Variants in IQSEC1 observed in about 807,000 individuals in gnomAD.
IQSEC1 encodes the protein IQ motif and SEC7 domain-containing protein 1.
Under a neutral mutation model 91.0 loss-of-function variants are expected in IQSEC1, and 31 were observed. The observed-to-expected ratio is 0.34, with a 90% CI of 0.26 to 0.46. The LOEUF (loss-of-function observed/expected upper bound fraction) is 0.46. Ranked by LOEUF, IQSEC1 falls within the 20% of genes least tolerant of loss-of-function variation. The probability of loss-of-function intolerance (pLI) is 1.00; values close to 1 mark genes in which losing one functional copy is unlikely to be tolerated. For synonymous variants in IQSEC1, 699 were observed against 662.6 expected, an observed-to-expected ratio of 1.05 and a Z score of -0.84; for missense variants, 1,388 against 1,575.6, an observed-to-expected ratio of 0.88 and a Z score of 2.02.
Position 13,191,477 on chromosome 3 carries a change from ATTTTTTTTTTTTT to A in IQSEC1, c.273-27357_273-27345del, listed in dbSNP as rs57912681. The stretch of plus-strand genomic sequence containing the variant: ...AGCTCCCAGTCCCCACACCCAGCTA[ATTTTTTTTTTTTT>A]TTTTTTTTTTTTTTTTTTGTATTTT... On this transcript the variant is annotated intron_variant, in intron 1 of 15. Coordinates refer to the IQSEC1 transcript ENST00000648114. Among the ~76,000 whole-genome samples the A allele has an allele frequency of 4.6e-4, 42 of 92,108 alleles. 1 individual carries two copies. The highest frequency in any genetic ancestry group is 2.2e-3 in the South Asian group (5 of 2,302). The allele number at this position is 92,108 out of a possible 152,430, so 60.4% of individuals were successfully genotyped here.
intron 1 of IQSEC1, among the ~76,000 whole-genome samples, chr3:12,990,476 T>C (rs360840): frequency 0.88 from 133,333 of 152,268 alleles, 58,453 homozygotes; most frequent in East Asian, 0.98. Flanking sequence ...TAAGCACAAC[T>C]GGATAAGGAA....
At chr3:13,044,970 T>G (rs1704440197) in intron 1 of IQSEC1, among the ~76,000 whole-genome samples, 1 of 152,244 alleles carries the variant, frequency 6.6e-6, no homozygotes, top group South Asian at 2.1e-4. Flanking sequence ...TCTTCTGGTC[T>G]CAGGTACCCT....
chr3:13,110,450 G>A (rs184107358), intron 2 of IQSEC1, among the ~76,000 whole-genome samples: 9 of 152,156 alleles, frequency 5.9e-5, no homozygotes, highest in South Asian at 2.1e-4. Flanking sequence ...TTAGCTAGGC[G>A]TGGTGGTGCA....
chr3:13,164,503 GTGAATGAA>G (rs746646832), intron 1 of IQSEC1, among the ~76,000 whole-genome samples: 34 of 152,258 alleles, frequency 2.2e-4, no homozygotes, highest in Non-Finnish European at 4.6e-4. Context: ...GAATGAATGA[GTGAATGAA>G]TGAATGAATG....
At chr3:12,961,977 C>T (rs1700265118) in intron 1 of IQSEC1, among the ~76,000 whole-genome samples, 1 of 152,216 alleles carries the variant, frequency 6.6e-6, no homozygotes, top group African/African-American at 2.4e-5. Flanking sequence ...GCCTCCCTAA[C>T]CATTGGGCTA....
chr3:12,939,696 G>A (rs912692090), intron 2 of IQSEC1, among the ~76,000 whole-genome samples: 9 of 152,128 alleles, frequency 5.9e-5, no homozygotes, highest in African/African-American at 1.2e-4. Flanking sequence ...TCACACACTC[G>A]GCAGCCTTTA....
At chr3:13,184,369 T>C (rs1006173432) in intron 1 of IQSEC1, among the ~76,000 whole-genome samples, 18 of 152,176 alleles carry the variant, frequency 1.2e-4, no homozygotes, top group Admixed American at 9.2e-4. Flanking sequence ...TACATGATCA[T>C]GTCAACAGAT....
At chr3:12,902,746 A>G (rs1360029521) in intron 13 of IQSEC1, 27 bp downstream of exon 13, 2 of 1,505,636 alleles carry the variant, frequency 1.3e-6, no homozygotes, top group Non-Finnish European at 1.8e-6. Context: ...CAGGACAGCC[A>G]GCTGGACAGA....
chr3:13,247,627 G>C (rs1559285772), intron 1 of IQSEC1, among the ~76,000 whole-genome samples: 1 of 152,190 alleles, frequency 6.6e-6, no homozygotes. Context: ...CCTACAGTTA[G>C]GGGCATCAGA....
intron 1 of IQSEC1, among the ~76,000 whole-genome samples, chr3:13,227,375 C>CAAAAAAA (rs753199634): frequency 1.4e-4 from 10 of 69,950 alleles, no homozygotes; most frequent in East Asian, 4.4e-4. Context: ...GACTCTGTCT[C>CAAAAAAA]AAAAAAAAAA....
intron 1 of IQSEC1, among the ~76,000 whole-genome samples, chr3:13,261,972 T>C (rs1264726724): frequency 6.6e-6 from 1 of 152,254 alleles, no homozygotes; most frequent in African/African-American, 2.4e-5. Flanking sequence ...ACTTGACATC[T>C]TGGGAAAATA....
intron 1 of IQSEC1, among the ~76,000 whole-genome samples, chr3:13,223,137 G>A (rs1299891595): frequency 6.6e-6 from 1 of 152,206 alleles, no homozygotes; most frequent in Non-Finnish European, 1.5e-5. Context: ...TGGGCACATG[G>A]CAGCTGCTGT....
In IQSEC1 at chr3:13,010,390, T is replaced by C. The variant is rs116348225; in HGVS notation, c.23+62602A>G. ...ATCAGAGAGAGTAGTTCATCCCCCC[T>C]GCTCAAGTGACTGGTCCAGGGATGG... On this transcript the variant is annotated intron_variant, in intron 1 of 13. Transcript: ENST00000613206. Among the ~76,000 whole-genome samples the C allele has an allele frequency of 5.7e-3, 864 of 152,314 alleles. 11 individuals carry two copies. The highest frequency in any genetic ancestry group is 0.02 in the African/African-American group (816 of 41,566).
chr3:12,912,024 G>A (rs1000704797), intron 9 of IQSEC1, among the ~76,000 whole-genome samples: 2 of 152,232 alleles, frequency 1.3e-5, no homozygotes, highest in Non-Finnish European at 2.9e-5. Context: ...GTACACACCC[G>A]GGGCTTGGCA....
rs78740261 is a variant in IQSEC1 at position 13,079,407 on chromosome 3, G to A, written c.303-31885C>T. Among the ~76,000 whole-genome samples, 3 of 152,364 alleles carry A rather than the reference G, an allele frequency of 2.0e-5. No homozygotes were observed. In the East Asian group the frequency reaches 5.8e-4, roughly 29 times the overall value. On this transcript the variant is annotated intron_variant, in intron 2 of 15. Coordinates refer to the IQSEC1 transcript ENST00000648114. ...AGGGAGCAGCATGCCTTGGGCGGTG[G>A]TGGACACCCAGCAAATTTCCTGCCC...
intron 1 of IQSEC1, among the ~76,000 whole-genome samples, chr3:13,202,104 G>A (rs1694255774): frequency 6.6e-6 from 1 of 152,204 alleles, no homozygotes; most frequent in Non-Finnish European, 1.5e-5. Context: ...AAAAGTCTGT[G>A]CTGGCACCTC....
At chr3:13,189,641 C>T (rs57216702) in intron 1 of IQSEC1, among the ~76,000 whole-genome samples, 4,194 of 152,304 alleles carry the variant, frequency 0.028, 186 homozygotes, top group African/African-American at 0.087. Flanking sequence ...TTCTTACTGG[C>T]ATGTGCAGCT....
At chr3:12,969,062 C>G (rs1700771665) in intron 1 of IQSEC1, among the ~76,000 whole-genome samples, 1 of 152,178 alleles carries the variant, frequency 6.6e-6, no homozygotes, top group African/African-American at 2.4e-5. Context: ...GAGCAGGAAC[C>G]CAGTGCCCCT....
chr3:13,250,844 T>C (rs1369634947), intron 1 of IQSEC1, among the ~76,000 whole-genome samples: 2 of 152,022 alleles, frequency 1.3e-5, no homozygotes, highest in African/African-American at 2.4e-5. Flanking sequence ...GCCACTGTCA[T>C]CACTTGCCTG....
Sources: gnomAD v4.1 joint callset for allele counts (sites outside exome capture counted in the v4.1 genomes callset) on GRCh38, gnomAD v4.1.1 for gene constraint, MANE v1.5 for transcripts, NCBI Gene and HGNC (gene_info 2026-07-23, HGNC 2026-07-21) for gene names.